The following DNAH3 variants were observed in gnomAD, a reference collection of about 807,000 sequenced individuals.
DNAH3 encodes axonemal beta dynein heavy chain 3.
In DNAH3, 332 loss-of-function variants were observed where a neutral mutation model predicts 432.5. The observed-to-expected ratio is 0.77, with a 90% CI of 0.70 to 0.84. The LOEUF is 0.84. Among genes scored for constraint, DNAH3 ranks in the 40% least tolerant of loss-of-function variants. The pLI, the probability that DNAH3 is intolerant of heterozygous loss-of-function variation, is 0.00. For synonymous variants in DNAH3, 1,956 were observed against 1,900.2 expected, an observed-to-expected ratio of 1.03 and a Z score of -0.76; for missense variants, 4,861 against 5,114.0, an observed-to-expected ratio of 0.95 and a Z score of 1.51.
rs1178099723 is a variant in DNAH3, at chr16:21,111,750, C to T, written c.1975G>A (p.Val659Met). ...TCAAGGCAGAACATGGCTAAAGGCACGGTGATGTTCATGGATGCAATTTCA... is the reference window on the plus strand; with the variant it reads ...TCAAGGCAGAACATGGCTAAAGGCATGGTGATGTTCATGGATGCAATTTCA... Residue 659 changes from valine to methionine, a missense_variant, in exon 14 of 62, where the codon GTG (valine) becomes ATG (methionine). Transcript: ENST00000261383. The T allele has an allele frequency of 9.3e-6, 15 of 1,613,834 alleles. No homozygotes were observed. Among genetic ancestry groups the T allele is most frequent in the Middle Eastern group, 1.6e-4 (1 of 6,084 alleles).
At chr16:21,134,167 G>C in intron 7 of DNAH3, 92 bp downstream of exon 8, 8 of 1,275,432 alleles carry the variant, frequency 6.3e-6, no homozygotes, top group Non-Finnish European at 1.1e-6. Flanking sequence ...TATGCTGTCA[G>C]GGCTACCCCC....
At chr16:21,020,020 G>A (rs2088079272) in intron 40 of DNAH3, 151 bp from the exon 41 acceptor site, 1 of 790,404 alleles carries the variant, frequency 1.3e-6, no homozygotes, top group South Asian at 1.9e-5. Context: ...CATTTCACAT[G>A]CATTTTTTTT....
At chr16:21,019,602 T>C (rs936449537) in intron 41 of DNAH3, 22 bp downstream of exon 41, 3 of 1,613,636 alleles carry the variant, frequency 1.9e-6, no homozygotes, top group Non-Finnish European at 1.7e-6. Context: ...TACTAGAACA[T>C]AACAAACAGG....
chr16:21,138,830 A>G (rs914543186), intron 5 of DNAH3, among the ~76,000 whole-genome samples: 9 of 147,666 alleles, frequency 6.1e-5, no homozygotes, highest in African/African-American at 1.8e-4. Context: ...AAAACAACAC[A>G]GAGACTTTGG....
rs141162767 is a variant in DNAH3, at chr16:20,997,176, C to T, written c.6601+107G>A. ...ATGCTTCTGCTCCATGCTCCTGCCA[C>T]GTGGTTTGGCAGGACAGACTGTGGC... is the stretch of plus-strand genomic sequence containing the variant. On this transcript the variant is annotated intron_variant, in intron 44 of 61. Transcript: ENST00000261383. The T allele has an allele frequency of 3.4e-3, 3,657 of 1,072,306 alleles. 11 individuals carry two copies. Among genetic ancestry groups the T allele is most frequent in the Non-Finnish European group, 3.5e-3 (2,537 of 732,492 alleles). 66.4% of individuals were successfully genotyped at this position (1,072,306 alleles called of 1,614,324 possible).
exon 53 of DNAH3, chr16:20,963,644 A>G: frequency 6.2e-7 from 1 of 1,613,994 alleles, no homozygotes; most frequent in East Asian, 2.2e-5. Flanking sequence ...TCAGACAGCC[A>G]TTGGGGAGCT....
chr16:21,153,569 C>T (rs1275649261), intron 1 of DNAH3, among the ~76,000 whole-genome samples: 3 of 152,196 alleles, frequency 2.0e-5, no homozygotes, highest in Admixed American at 1.3e-4. Flanking sequence ...TGATCCCCTT[C>T]TACAACGTGG....
chr16:20,976,456 G>T (rs1267151875), intron 50 of DNAH3, among the ~76,000 whole-genome samples: 1 of 152,136 alleles, frequency 6.6e-6, no homozygotes, highest in Non-Finnish European at 1.5e-5. Context: ...GCCTCCCAAA[G>T]TTCTGGGATT....
intron 19 of DNAH3, among the ~76,000 whole-genome samples, chr16:21,084,472 G>A (rs938262704): frequency 6.6e-6 from 1 of 152,002 alleles, no homozygotes; most frequent in African/African-American, 2.4e-5. Flanking sequence ...ACAGGCATGT[G>A]CCACCACGCC....
intron 3 of DNAH3, among the ~76,000 whole-genome samples, chr16:21,142,501 C>A (rs935481981): frequency 6.6e-6 from 1 of 151,816 alleles, no homozygotes; most frequent in East Asian, 1.9e-4. Context: ...AGTAGAAAAA[C>A]CAATATCATT....
intron 21 of DNAH3, among the ~76,000 whole-genome samples, chr16:21,072,764 G>A (rs1313063057): frequency 6.6e-6 from 1 of 151,656 alleles, no homozygotes; most frequent in Admixed American, 6.6e-5. Context: ...CCCTGCCTCA[G>A]CTTCCCAAAT....
chr16:21,086,181 G>C (rs1379117331), intron 19 of DNAH3, among the ~76,000 whole-genome samples: 2 of 152,170 alleles, frequency 1.3e-5, no homozygotes, highest in Non-Finnish European at 2.9e-5. Context: ...CAAGGCCATT[G>C]CTAGCCCTTG....
At chr16:21,054,588 TC>T in intron 27 of DNAH3, 54 bp from the exon 28 acceptor site, 1 of 1,363,798 alleles carries the variant, frequency 7.3e-7, no homozygotes, top group Non-Finnish European at 1.0e-6. Context: ...CCTCTGGTAA[TC>T]CCCATGTCAA....
intron 33 of DNAH3, 96 bp from the exon 34 acceptor site, chr16:21,038,076 C>T (rs2089260886): frequency 9.8e-7 from 1 of 1,015,566 alleles, no homozygotes; most frequent in Non-Finnish European, 1.5e-6. Context: ...CGTCAGCAAC[C>T]AGGCATGCCC....
chr16:21,011,677 G>C (rs2087609972), intron 41 of DNAH3, among the ~76,000 whole-genome samples: 1 of 152,052 alleles, frequency 6.6e-6, no homozygotes, highest in South Asian at 2.1e-4. Flanking sequence ...TGTTTTTGCA[G>C]GACTTGAAGC....
chr16:20,983,891 G>A (rs754129401), intron 48 of DNAH3, among the ~76,000 whole-genome samples: 8 of 152,018 alleles, frequency 5.3e-5, no homozygotes, highest in South Asian at 2.1e-4. Flanking sequence ...GCTGGGCATC[G>A]TGGTGTGTGC....
chr16:20,995,970 C>T (rs2086747069), intron 44 of DNAH3, among the ~76,000 whole-genome samples: 1 of 152,260 alleles, frequency 6.6e-6, no homozygotes, highest in South Asian at 2.1e-4. Context: ...TGCACAGGTG[C>T]AGATAATTGC....
At chr16:21,130,278 T>C (rs898446109) in intron 7 of DNAH3, among the ~76,000 whole-genome samples, 5 of 149,712 alleles carry the variant, frequency 3.3e-5, no homozygotes, top group African/African-American at 4.9e-5. Flanking sequence ...CGGAAACTAA[T>C]AAAAAGCTCT....
intron 41 of DNAH3, among the ~76,000 whole-genome samples, chr16:21,013,229 A>C (rs2087693009): frequency 6.6e-6 from 1 of 152,122 alleles, no homozygotes; most frequent in South Asian, 2.1e-4. Flanking sequence ...GTATCTTTGA[A>C]GGATTAATAA....
Sources: gnomAD v4.1 joint callset for allele counts (sites outside exome capture counted in the v4.1 genomes callset) on GRCh38, gnomAD v4.1.1 for gene constraint, MANE v1.5 for transcripts, NCBI Gene and HGNC (gene_info 2026-07-23, HGNC 2026-07-21) for gene names.